PET117: variants seen among roughly 807,000 people sequenced by gnomAD.
PET117 encodes the protein PET117 cytochrome c oxidase chaperone.
PET117 carries 10 observed loss-of-function variants against 9.2 expected under a neutral mutation model. That is an observed-to-expected ratio of 1.09 (90% CI 0.67 to 1.85). PET117 has a LOEUF of 1.85. Among genes scored for constraint, PET117 ranks in the 40% most tolerant of loss-of-function variants. The probability of loss-of-function intolerance (pLI) is 0.00; values close to 1 mark genes in which losing one functional copy is unlikely to be tolerated. For synonymous variants in PET117, 43 were observed against 37.1 expected (o/e 1.16, Z -0.57); for missense variants, 96 against 98.2 (o/e 0.98, Z 0.09).
At position 18,138,361 on chromosome 20, in the gene PET117, C is replaced by A. The variant is rs570438741; in HGVS notation, c.96+310C>A. On this transcript the variant is annotated intron_variant, in intron 1 of 1. Transcript: ENST00000432901. ...GCACGGCACGCAAGCTTTTGGGGTG[C>A]CCAGTGGCTCTGTTTTCAAGTCACA... The A allele has an allele frequency of 8.7e-5, 94 of 1,076,558 alleles. No homozygotes were observed. In the African/African-American group the frequency reaches 1.5e-3, roughly 17 times the overall value. The allele number at this position is 1,076,558 out of a possible 1,614,324, so 66.7% of individuals were successfully genotyped here.
Position 18,142,846 on chromosome 20 carries a change from T to C in PET117, c.*489T>C, listed in dbSNP as rs1472649001. On this transcript the variant is annotated 3_prime_UTR_variant, in exon 2 of 2. Transcript: ENST00000432901. ...AGAGTGGGGATTCCCTCAACAGTGA[T>C]GAAGGAGACGTGTCTTGGATGGAGG... The C allele has an allele frequency of 6.8e-6, 11 of 1,614,156 alleles. No individual in the cohort carries two copies. The highest frequency in any genetic ancestry group is 9.3e-6 in the Non-Finnish European group (11 of 1,180,022).
intron 1 of PET117, among the ~76,000 whole-genome samples, chr20:18,140,230 G>A (rs2037479163): frequency 1.3e-5 from 2 of 151,970 alleles, no homozygotes; most frequent in Non-Finnish European, 2.9e-5. Flanking sequence ...AGGACAGGAA[G>A]ACCTGCAGTT....
chr20:18,141,051 TTA>T (rs2037553089), intron 1 of PET117, among the ~76,000 whole-genome samples: 4 of 109,710 alleles, frequency 3.6e-5, no homozygotes, highest in African/African-American at 1.1e-4. Flanking sequence ...TTTTTTATTT[TTA>T]TTTTTGCTAG....
chr20:18,138,283 G>C, intron 1 of PET117: 15 of 1,212,580 alleles, frequency 1.2e-5, no homozygotes, highest in Admixed American at 4.5e-5. Context: ...CGACCCGGCT[G>C]CCCGGCTTAG....
At position 18,142,455 on chromosome 20, in the gene PET117, C is replaced by A. The variant is rs1443919792; in HGVS notation, c.*98C>A. ...GTATCTTCATCTTTTTTTTTGGTCA[C>A]TGTCCTTTTAAACTTGATCAAATAA... is the stretch of plus-strand genomic sequence containing the variant. On this transcript the variant is annotated 3_prime_UTR_variant, in exon 2 of 2. Transcript: ENST00000432901. The A allele has an allele frequency of 6.9e-7, 1 of 1,459,524 alleles. No homozygotes were observed. The highest frequency in any genetic ancestry group is 2.5e-5 in the East Asian group (1 of 40,282). The allele number at this position is 1,459,524 out of a possible 1,614,324, so 90.4% of individuals were successfully genotyped here.
chr20:18,141,051 T>TTTTTTTTTTTTTTG lies in PET117; in HGVS notation c.97-1156_97-1155insTTTTTTTTTTTTGT, dbSNP rs58888387. On this transcript the variant is annotated intron_variant, in intron 1 of 1. Coordinates refer to ENST00000432901, the MANE Select transcript of PET117 (RefSeq NM_001164811.2). ...TTTTTTTTTTTTTTTTTTTTTATTT[T>TTTTTTTTTTTTTTG]TATTTTTGCTAGAGATGGGATTTTG... Among the ~76,000 whole-genome samples the TTTTTTTTTTTTTTG allele has an allele frequency of 1.8e-3, 192 of 109,680 alleles. 5 individuals carry two copies. Among genetic ancestry groups the TTTTTTTTTTTTTTG allele is most frequent in the African/African-American group, 3.0e-3 (84 of 27,902 alleles). 72.0% of individuals were successfully genotyped at this position (109,680 alleles called of 152,430 possible). A position where few individuals can be genotyped will look rare whatever the true frequency, so the allele number is the denominator to read the frequency against.
intron 1 of PET117, among the ~76,000 whole-genome samples, chr20:18,139,022 CTT>C (rs1337400255): frequency 4.6e-5 from 7 of 152,172 alleles, no homozygotes; most frequent in Admixed American, 3.3e-4. Flanking sequence ...AGTAAACAGT[CTT>C]TTCTTGATTT....
rs142522519 is a variant in PET117 at position 18,141,731 on chromosome 20, A to G, written c.97-477A>G. 4.9e-3 allele frequency among the ~76,000 whole-genome samples: 747 copies of G among 152,230 alleles called. 8 individuals carry two copies. Among genetic ancestry groups the G allele is most frequent in the African/African-American group, 0.017 (688 of 41,562 alleles). ...AAACCCCGTCTCTACTAAAAATACA[A>G]AAATTAGCTGGGCATGGTGATGCAC... is the stretch of plus-strand genomic sequence containing the variant. On this transcript the variant is annotated intron_variant, in intron 1 of 1. Transcript: ENST00000432901.
intron 1 of PET117, among the ~76,000 whole-genome samples, chr20:18,140,838 C>CAAAAAAAAAAAAAA: frequency 9.1e-6 from 1 of 109,696 alleles, no homozygotes; most frequent in African/African-American, 3.6e-5. Context: ...AAAAAAAAAC[C>CAAAAAAAAAAAAAA]AATAAAACAA....
At chr20:18,138,514 A>G (rs1168247929) in intron 1 of PET117, 1 of 948,532 alleles carries the variant, frequency 1.1e-6, no homozygotes, top group Non-Finnish European at 1.3e-6. Flanking sequence ...GGTTGGGGTT[A>G]AAGCCTAATG....
At chr20:18,140,822 A>AAG (rs1160952515) in intron 1 of PET117, among the ~76,000 whole-genome samples, 3 of 149,216 alleles carry the variant, frequency 2.0e-5, no homozygotes, top group Admixed American at 2.0e-4. Flanking sequence ...CCTTCTCAAA[A>AAG]AAAAAAAAAA....
In PET117 at chr20:18,142,695, G is replaced by C; in HGVS notation, c.*338G>C. ...AGCATCCACCTGAGTAGTCTGATCAGTCGGCATGATGACGAAGCCACGAGA... is the reference window on the plus strand; with the variant it reads ...AGCATCCACCTGAGTAGTCTGATCACTCGGCATGATGACGAAGCCACGAGA... On this transcript the variant is annotated 3_prime_UTR_variant, in exon 2 of 2. Coordinates refer to ENST00000432901, the MANE Select transcript of PET117 (RefSeq NM_001164811.2). 6.2e-7 allele frequency: 1 copy of C among 1,614,226 alleles called. No individual in the cohort carries two copies. The highest frequency in any genetic ancestry group is 8.5e-7 in the Non-Finnish European group (1 of 1,180,042).
chr20:18,142,507 C>T lies in PET117; in HGVS notation c.*150C>T. 1 of 1,459,534 alleles carries T rather than the reference C, an allele frequency of 6.9e-7. No individual in the cohort carries two copies. The highest frequency in any genetic ancestry group is 9.0e-7 in the Non-Finnish European group (1 of 1,108,778). 90.4% of individuals were successfully genotyped at this position (1,459,534 alleles called of 1,614,324 possible). A position where few individuals can be genotyped will look rare whatever the true frequency, so the allele number is the denominator to read the frequency against. On this transcript the variant is annotated 3_prime_UTR_variant, in exon 2 of 2. Transcript: ENST00000432901. ...GGACAGTGGGTCATATAAGTTACTG[C>T]TTTCAGGGTCCCTTATATCTGAATA...
Position 18,142,584 on chromosome 20 carries a change from A to G in PET117, c.*227A>G, listed in dbSNP as rs1482787311. ...AAGAGTCTGTCTGGGTGATCCTGGT[A>G]GAAGCCCCATTAGGGTCACTGTCCA... On this transcript the variant is annotated 3_prime_UTR_variant, in exon 2 of 2. Transcript: ENST00000432901. 12 of 1,580,024 alleles carry G rather than the reference A, an allele frequency of 7.6e-6. No homozygotes were observed. The highest frequency in any genetic ancestry group is 1.9e-4 in the Middle Eastern group (1 of 5,244).
rs1383263596 is a variant in PET117, at chr20:18,142,613, C to G, written c.*256C>G. 1 of 1,610,380 alleles carries G rather than the reference C, an allele frequency of 6.2e-7. No individual in the cohort carries two copies. The highest frequency in any genetic ancestry group is 1.7e-5 in the Admixed American group (1 of 59,794). ...GCCCCATTAGGGTCACTGTCCAGTGCTTAGGGTTGTTACTGAGAAGCACTG... is the reference window on the plus strand; with the variant it reads ...GCCCCATTAGGGTCACTGTCCAGTGGTTAGGGTTGTTACTGAGAAGCACTG... On this transcript the variant is annotated 3_prime_UTR_variant, in exon 2 of 2. Coordinates refer to ENST00000432901, the MANE Select transcript of PET117 (RefSeq NM_001164811.2).
At chr20:18,138,553 TG>T in intron 1 of PET117, 1 of 752,122 alleles carries the variant, frequency 1.3e-6, no homozygotes, top group Non-Finnish European at 1.6e-6. Flanking sequence ...TTTTATCCCA[TG>T]GTAAGGGAGC....
At chr20:18,138,546 T>A (rs1278281420) in intron 1 of PET117, 1 of 801,892 alleles carries the variant, frequency 1.2e-6, no homozygotes, top group East Asian at 1.2e-4. Context: ...CTATTGATTT[T>A]ATCCCATGGT....
rs117280420 is a variant in PET117 at position 18,142,268 on chromosome 20, C to G, written c.157C>G (p.Arg53Gly). 6.2e-4 allele frequency: 949 copies of G among 1,537,076 alleles called. 15 individuals are homozygous for G. In the East Asian group the frequency reaches 0.022, roughly 35 times the overall value. Reference protein sequence around the residue: ...ERQIRKKENIRLLGEQIILTE... With the variant: ...ERQIRKKENIGLLGEQIILTE... Reference sequence around the variant, plus strand: ...GCAAATTCGGAAAAAAGAAAACATTCGTCTTTTGGGAGAACAGATTATTTT... The same window carrying G: ...GCAAATTCGGAAAAAAGAAAACATTGGTCTTTTGGGAGAACAGATTATTTT... The change falls in exon 2 of 2, where the codon CGT (arginine) becomes GGT (glycine). Residue 53 changes from arginine to glycine, a missense_variant. Transcript: ENST00000432901.
intron 1 of PET117, among the ~76,000 whole-genome samples, chr20:18,138,889 T>C (rs372692540): frequency 6.6e-6 from 1 of 152,226 alleles, no homozygotes; most frequent in African/African-American, 2.4e-5. Flanking sequence ...TTCCAGAGTC[T>C]ATCAGTGATT....
Sources: gnomAD v4.1 joint callset for allele counts (sites outside exome capture counted in the v4.1 genomes callset) on GRCh38, gnomAD v4.1.1 for gene constraint, MANE v1.5 for transcripts, NCBI Gene and HGNC (gene_info 2026-07-23, HGNC 2026-07-21) for gene names.